The following PPP2R2B variants were observed in gnomAD, a reference collection of about 807,000 sequenced individuals.
The protein encoded by PPP2R2B is serine/threonine-protein phosphatase 2A 55 kDa regulatory subunit B beta isoform.
PPP2R2B carries 5 observed loss-of-function variants against 46.0 expected under a neutral mutation model. The observed-to-expected ratio is 0.11, with a 90% CI of 0.06 to 0.23. The LOEUF is 0.23. Ranked by LOEUF, PPP2R2B falls within the 10% of genes least tolerant of loss-of-function variation. The pLI is 1.00. For missense variants in PPP2R2B, 367 were observed against 575.0 expected, an observed-to-expected ratio of 0.64 and a Z score of 3.70; for synonymous variants, 215 against 206.7, an observed-to-expected ratio of 1.04 and a Z score of -0.34.
chr5:146,933,428 G>A (rs931400304), intron 1 of PPP2R2B, among the ~76,000 whole-genome samples: 1 of 151,980 alleles, frequency 6.6e-6, no homozygotes, highest in African/African-American at 2.4e-5. Context: ...ATGATTATTA[G>A]GGAGTTTTTA....
At chr5:146,626,933 AC>A (rs1335692855) in intron 7 of PPP2R2B, among the ~76,000 whole-genome samples, 4 of 152,214 alleles carry the variant, frequency 2.6e-5, no homozygotes, top group African/African-American at 9.7e-5. Context: ...AATTGACAGA[AC>A]TGGTTAAATT....
At chr5:146,795,572 C>T (rs1254128455) in intron 2 of PPP2R2B, among the ~76,000 whole-genome samples, 1 of 152,000 alleles carries the variant, frequency 6.6e-6, no homozygotes, top group Non-Finnish European at 1.5e-5. Flanking sequence ...ATTCCAGAGA[C>T]CTAATATACA....
chr5:146,888,270 T>C (rs897072103), intron 1 of PPP2R2B, among the ~76,000 whole-genome samples: 1 of 152,150 alleles, frequency 6.6e-6, no homozygotes, highest in Non-Finnish European at 1.5e-5. Flanking sequence ...AGCTGATATT[T>C]CACAGGGTAT....
chr5:146,853,228 G>C (rs945257997), intron 2 of PPP2R2B, among the ~76,000 whole-genome samples: 1 of 152,122 alleles, frequency 6.6e-6, no homozygotes, highest in African/African-American at 2.4e-5. Flanking sequence ...TCAAGAAATG[G>C]CAGCCCATAT....
At chr5:146,846,719 A>T (rs532254354) in intron 2 of PPP2R2B, among the ~76,000 whole-genome samples, 157 of 152,152 alleles carry the variant, frequency 1.0e-3, no homozygotes, top group African/African-American at 3.7e-3. Flanking sequence ...TATTTTTTTT[A>T]AAAGTAGCTA....
chr5:146,747,312 C>A (rs964795489), intron 2 of PPP2R2B, among the ~76,000 whole-genome samples: 6 of 152,244 alleles, frequency 3.9e-5, no homozygotes, highest in Admixed American at 2.6e-4. Context: ...CCCAGTAGAG[C>A]AGCTTTGGGC....
rs754523442 is a variant in PPP2R2B, at chr5:146,589,971, A to G, written c.1308T>C (p.Tyr436=). The change falls in exon 10 of 10, where the codon TAT becomes TAC. Residue 436 remains tyrosine (Y), a synonymous_variant. Transcript: ENST00000394411. ...IIAVAATNNL[Y]IFQDKVN is the part of the protein sequence containing the mutation. The stretch of plus-strand genomic sequence containing the variant: ...CCTAGTTAACCTTGTCCTGGAATAT[A>G]TATAGGTTATTTGTAGCCGCCACTG... 3 of 1,614,110 alleles carry G rather than the reference A, an allele frequency of 1.9e-6. No individual in the cohort carries two copies. Among genetic ancestry groups the G allele is most frequent in the Non-Finnish European group, 2.5e-6 (3 of 1,179,956 alleles).
chr5:146,957,669 C>T (rs1326745649), intron 1 of PPP2R2B, among the ~76,000 whole-genome samples: 1 of 151,968 alleles, frequency 6.6e-6, no homozygotes, highest in Non-Finnish European at 1.5e-5. Flanking sequence ...TGTACTCTAC[C>T]CAGCTTTAGG....
chr5:146,900,832 TC>T (rs1762812752), intron 1 of PPP2R2B, among the ~76,000 whole-genome samples: 1 of 151,578 alleles, frequency 6.6e-6, no homozygotes, highest in South Asian at 2.1e-4. Context: ...GTGTTATTGT[TC>T]CCCTCCCTGT....
intron 2 of PPP2R2B, among the ~76,000 whole-genome samples, chr5:146,768,616 A>G (rs1168541278): frequency 6.6e-6 from 1 of 152,142 alleles, no homozygotes; most frequent in Non-Finnish European, 1.5e-5. Flanking sequence ...TTTCCACTGC[A>G]TTAAGGTAAA....
chr5:146,871,982 C>T (rs755951407), intron 2 of PPP2R2B, among the ~76,000 whole-genome samples: 1 of 152,166 alleles, frequency 6.6e-6, no homozygotes, highest in Non-Finnish European at 1.5e-5. Context: ...AGACAGTACT[C>T]GCGATACCTT....
At chr5:146,720,536 G>C (rs1780736219) in intron 2 of PPP2R2B, among the ~76,000 whole-genome samples, 1 of 152,170 alleles carries the variant, frequency 6.6e-6, no homozygotes, top group Non-Finnish European at 1.5e-5. Flanking sequence ...TTGGGGGGAA[G>C]ATGTCGAACA....
intron 1 of PPP2R2B, among the ~76,000 whole-genome samples, chr5:147,047,665 G>C (rs531976912): frequency 1.3e-5 from 2 of 151,928 alleles, no homozygotes; most frequent in Admixed American, 1.3e-4. Context: ...AAAATTAAAG[G>C]CCAGGAAATA....
At chr5:146,635,085 A>G (rs891595717) in intron 7 of PPP2R2B, among the ~76,000 whole-genome samples, 7 of 152,138 alleles carry the variant, frequency 4.6e-5, no homozygotes, top group African/African-American at 1.7e-4. Context: ...GCAGAGGGCT[A>G]GGATCTCACA....
intron 2 of PPP2R2B, among the ~76,000 whole-genome samples, chr5:146,753,754 T>C (rs892013962): frequency 2.0e-5 from 3 of 152,160 alleles, no homozygotes; most frequent in African/African-American, 7.2e-5. Flanking sequence ...GCTACTGAAA[T>C]GGCATTTTCC....
chr5:146,708,215 G>A (rs114417860), intron 2 of PPP2R2B, among the ~76,000 whole-genome samples: 2,471 of 152,050 alleles, frequency 0.016, 48 homozygotes, highest in African/African-American at 0.044. Flanking sequence ...AAATTAGCTC[G>A]GCATGGTGGT....
intron 1 of PPP2R2B, among the ~76,000 whole-genome samples, chr5:146,915,954 G>T (rs1033291994): frequency 6.6e-6 from 1 of 152,146 alleles, no homozygotes; most frequent in Non-Finnish European, 1.5e-5. Flanking sequence ...CCCTCCAGGG[G>T]TGATGGAAAA....
At chr5:146,625,119 T>C (rs1327680580) in intron 7 of PPP2R2B, among the ~76,000 whole-genome samples, 1 of 152,252 alleles carries the variant, frequency 6.6e-6, no homozygotes, top group Admixed American at 6.5e-5. Flanking sequence ...CTTTACTTCA[T>C]GGACTTCTCT....
At chr5:146,833,831 T>C (rs975148098) in intron 2 of PPP2R2B, among the ~76,000 whole-genome samples, 2 of 151,496 alleles carry the variant, frequency 1.3e-5, no homozygotes, top group Admixed American at 6.6e-5. Flanking sequence ...CAATCAATAG[T>C]TGGCATCCCC....
Sources: allele counts gnomAD v4.1 joint callset (sites outside exome capture counted in the v4.1 genomes callset), GRCh38; gene constraint gnomAD v4.1.1; transcripts MANE v1.5; gene names NCBI Gene and HGNC (gene_info 2026-07-23, HGNC 2026-07-21).